The following TBX15 variants were observed in gnomAD, a reference collection of about 807,000 sequenced individuals.
TBX15 encodes T-box transcription factor TBX15.
A neutral mutation model predicts 53.9 loss-of-function variants in TBX15; 18 were observed. The observed-to-expected ratio is 0.33, with a 90% CI of 0.23 to 0.49. TBX15 has a LOEUF of 0.49. TBX15 is among the 20% of genes least tolerant of loss of function. The pLI is 0.98. For synonymous variants in TBX15, 295 were observed against 278.0 expected, an observed-to-expected ratio of 1.06 and a Z score of -0.61; for missense variants, 692 against 749.5, an observed-to-expected ratio of 0.92 and a Z score of 0.90.
intron 1 of TBX15, among the ~76,000 whole-genome samples, chr1:118,958,351 A>G (rs1285165614): frequency 6.6e-6 from 1 of 152,146 alleles, no homozygotes; most frequent in East Asian, 1.9e-4. Context: ...TAGCCTTCAG[A>G]GCAGTGAGAA....
intron 1 of TBX15, among the ~76,000 whole-genome samples, chr1:118,977,644 A>G (rs1657480112): frequency 6.6e-6 from 1 of 152,230 alleles, no homozygotes; most frequent in African/African-American, 2.4e-5. Flanking sequence ...CTGTAAGGAA[A>G]TAAAGTCCTA....
chr1:118,987,841 G>A lies in TBX15; in HGVS notation c.-46C>T, dbSNP rs765371587. The stretch of plus-strand genomic sequence containing the variant: ...CCTCCGCTTGCCCCCGCTACCGAGG[G>A]AGCAGCCGGCGCCCTCAAGCTCTGA... On this transcript the variant is annotated 5_prime_UTR_variant, in exon 1 of 8. Coordinates refer to ENST00000369429, the MANE Select transcript of TBX15 (RefSeq NM_001330677.2). 2 of 1,542,988 alleles carry A rather than the reference G, an allele frequency of 1.3e-6. No homozygotes were observed. The highest frequency in any genetic ancestry group is 1.7e-6 in the Non-Finnish European group (2 of 1,143,810).
intron 1 of TBX15, among the ~76,000 whole-genome samples, chr1:118,954,919 G>C (rs557251623): frequency 6.6e-6 from 1 of 152,254 alleles, no homozygotes; most frequent in South Asian, 2.1e-4. Context: ...CATAAAGAGG[G>C]AAGAGTCCCA....
intron 7 of TBX15, among the ~76,000 whole-genome samples, chr1:118,894,699 A>G (rs1426065237): frequency 6.6e-6 from 1 of 152,134 alleles, no homozygotes; most frequent in African/African-American, 2.4e-5. Flanking sequence ...CCGGGATATC[A>G]AGTGTTCTCC....
At chr1:118,888,471 C>A (rs1009842207) in intron 7 of TBX15, among the ~76,000 whole-genome samples, 1 of 152,148 alleles carries the variant, frequency 6.6e-6, no homozygotes, top group African/African-American at 2.4e-5. Flanking sequence ...AGCTGAATGG[C>A]CAGGCCTTCT....
chr1:118,909,746 C>A (rs1364449313), intron 6 of TBX15, among the ~76,000 whole-genome samples: 1 of 152,170 alleles, frequency 6.6e-6, no homozygotes, highest in Non-Finnish European at 1.5e-5. Context: ...CCATGCCCGG[C>A]TAATTTTTGT....
chr1:118,978,082 G>A (rs1027797132), intron 1 of TBX15, among the ~76,000 whole-genome samples: 4 of 152,160 alleles, frequency 2.6e-5, no homozygotes, highest in East Asian at 1.9e-4. Context: ...CGCTAATGCC[G>A]TAGAACCCTT....
At chr1:118,978,707 C>T (rs1557908016) in intron 1 of TBX15, among the ~76,000 whole-genome samples, 1 of 152,082 alleles carries the variant, frequency 6.6e-6, no homozygotes, top group Non-Finnish European at 1.5e-5. Flanking sequence ...CATATATATC[C>T]ACATAAGTAA....
At chr1:118,958,110 T>C (rs549803676) in intron 1 of TBX15, among the ~76,000 whole-genome samples, 118 of 152,394 alleles carry the variant, frequency 7.7e-4, no homozygotes, top group African/African-American at 2.7e-3. Context: ...AAAATTCTTA[T>C]GTCAAAACCC....
chr1:118,905,050 G>A (rs745886480), intron 6 of TBX15, among the ~76,000 whole-genome samples: 10 of 152,148 alleles, frequency 6.6e-5, no homozygotes, highest in Non-Finnish European at 1.3e-4. Context: ...GAAAGTTTGA[G>A]GACCATTGGT....
At chr1:118,898,235 C>T (rs1485694020) in intron 7 of TBX15, among the ~76,000 whole-genome samples, 1 of 152,150 alleles carries the variant, frequency 6.6e-6, no homozygotes, top group African/African-American at 2.4e-5. Flanking sequence ...CTACACTCAT[C>T]TTAAAACCTG....
chr1:118,981,303 TACACACACACACACACAC>T (rs35594301), intron 1 of TBX15, among the ~76,000 whole-genome samples: 1 of 146,728 alleles, frequency 6.8e-6, no homozygotes, highest in Non-Finnish European at 1.5e-5. Flanking sequence ...TTAAACTAGC[TACACACACACACACACAC>T]ACACACACAC....
chr1:118,923,303 TAG>T, intron 5 of TBX15, 131 bp downstream of exon 5: 1 of 1,139,254 alleles, frequency 8.8e-7, no homozygotes, highest in East Asian at 2.5e-5. Context: ...TAACACTGTA[TAG>T]TACTTAACAT....
At chr1:118,901,716 T>G (rs1654635865) in intron 6 of TBX15, among the ~76,000 whole-genome samples, 1 of 152,216 alleles carries the variant, frequency 6.6e-6, no homozygotes, top group Non-Finnish European at 1.5e-5. Context: ...TGTTGGTATA[T>G]ATATATCCCC....
Position 118,897,684 on chromosome 1 carries a change from C to T in TBX15, c.1024+1344G>A, listed in dbSNP as rs1032563085. ...GTAGAGAATTCATGACCATCAAAGACGGGGGCCTAGATTTTCCTGAGTCTC... is the reference window on the plus strand; with the variant it reads ...GTAGAGAATTCATGACCATCAAAGATGGGGGCCTAGATTTTCCTGAGTCTC... On this transcript the variant is annotated intron_variant, in intron 7 of 7. Coordinates refer to ENST00000369429, the MANE Select transcript of TBX15 (RefSeq NM_001330677.2). Among the ~76,000 whole-genome samples the T allele has an allele frequency of 6.6e-5, 10 of 152,216 alleles. 1 individual carries two copies. Among genetic ancestry groups the T allele is most frequent in the East Asian group, 5.8e-4 (3 of 5,172 alleles).
chr1:118,945,604 C>A (rs1205161872), intron 1 of TBX15, among the ~76,000 whole-genome samples: 2 of 152,196 alleles, frequency 1.3e-5, no homozygotes, highest in South Asian at 4.1e-4. Context: ...TTGGCCTCTC[C>A]CATTCCTGGG....
intron 1 of TBX15, 48 bp downstream of exon 1, chr1:118,987,543 G>A (rs1390273245): frequency 1.3e-6 from 2 of 1,522,418 alleles, no homozygotes; most frequent in African/African-American, 2.8e-5. Context: ...CTGGCCCTTC[G>A]GCGTCCCCTC....
At chr1:118,892,920 T>C (rs867343546) in intron 7 of TBX15, among the ~76,000 whole-genome samples, 1 of 152,220 alleles carries the variant, frequency 6.6e-6, no homozygotes, top group Middle Eastern at 3.4e-3. Context: ...CCCAACTTAC[T>C]ATGTTGTTAT....
chr1:118,944,700 G>A (rs1310262228), intron 1 of TBX15, among the ~76,000 whole-genome samples: 2 of 152,190 alleles, frequency 1.3e-5, no homozygotes, highest in Admixed American at 6.5e-5. Flanking sequence ...CCCTGCCTAG[G>A]AAGACTTTGA....
Sources: allele counts gnomAD v4.1 joint callset (sites outside exome capture counted in the v4.1 genomes callset), GRCh38; gene constraint gnomAD v4.1.1; transcripts MANE v1.5; gene names NCBI Gene and HGNC (gene_info 2026-07-23, HGNC 2026-07-21).